Variants in SLC16A12 observed in about 807,000 individuals in gnomAD.
The protein encoded by SLC16A12 is solute carrier family 16 member 12, also known as monocarboxylate transporter 12.
SLC16A12 carries 17 observed loss-of-function variants against 42.4 expected under a neutral mutation model. The observed-to-expected ratio is 0.40, with a 90% CI of 0.27 to 0.60. The LOEUF is 0.60. Among genes scored for constraint, SLC16A12 ranks in the 20% least tolerant of loss-of-function variants. The probability of loss-of-function intolerance (pLI) is 0.42; values close to 1 mark genes in which losing one functional copy is unlikely to be tolerated. For missense variants in SLC16A12, 544 were observed against 623.0 expected (o/e 0.87, Z 1.35); for synonymous variants, 224 against 229.4 (o/e 0.98, Z 0.21).
intron 4 of SLC16A12, among the ~76,000 whole-genome samples, chr10:89,441,946 A>C (rs1841919183): frequency 6.6e-6 from 1 of 152,212 alleles, no homozygotes; most frequent in Admixed American, 6.5e-5. Context: ...GCATGGCCCA[A>C]GGTCACCAAC....
intron 4 of SLC16A12, among the ~76,000 whole-genome samples, 163 bp from the exon 5 acceptor site, chr10:89,441,414 A>G (rs1841909549): frequency 6.6e-6 from 1 of 152,170 alleles, no homozygotes; most frequent in Non-Finnish European, 1.5e-5. Context: ...GTGATTGTCC[A>G]TGGTCCCACA....
At chr10:89,465,847 G>A (rs185240979) in intron 2 of SLC16A12, among the ~76,000 whole-genome samples, 2 of 152,290 alleles carry the variant, frequency 1.3e-5, no homozygotes, top group East Asian at 3.9e-4. Context: ...GGCACAGAAC[G>A]GGAAGTATCC....
intron 2 of SLC16A12, among the ~76,000 whole-genome samples, chr10:89,505,103 A>G (rs1246120782): frequency 6.6e-6 from 1 of 152,180 alleles, no homozygotes; most frequent in African/African-American, 2.4e-5. Flanking sequence ...AAAATGGAGC[A>G]AAAAGACAAT....
chr10:89,512,622 C>T (rs150516105), intron 2 of SLC16A12, among the ~76,000 whole-genome samples: 64 of 152,352 alleles, frequency 4.2e-4, no homozygotes, highest in African/African-American at 1.5e-3. Context: ...AGAATGCATC[C>T]ACAAGCCAAA....
intron 2 of SLC16A12, among the ~76,000 whole-genome samples, chr10:89,520,829 T>C (rs1843339463): frequency 6.6e-6 from 1 of 152,040 alleles, no homozygotes; most frequent in Admixed American, 6.6e-5. Flanking sequence ...TTAACTGAGA[T>C]TGGAAATAAA....
At chr10:89,456,008 A>G (rs1676047429) in intron 3 of SLC16A12, 1 of 152,238 alleles carries the variant, frequency 6.6e-6, no homozygotes, top group Non-Finnish European at 1.5e-5. Context: ...CTCAGAGGCC[A>G]GTATGACTGC....
chr10:89,481,662 T>TGA lies in SLC16A12; in HGVS notation c.-46-19039_-46-19038insTC, dbSNP rs1490094967. Among the ~76,000 whole-genome samples, 370 of 136,894 alleles carry TGA rather than the reference T, an allele frequency of 2.7e-3. 2 individuals carry two copies. The highest frequency in any genetic ancestry group is 9.3e-3 in the African/African-American group (339 of 36,494). 89.8% of individuals were successfully genotyped at this position (136,894 alleles called of 152,430 possible). On this transcript the variant is annotated intron_variant, in intron 2 of 7. Transcript: ENST00000371790. ...TTTTTCTTGTGTGTGTGTGTGTGTG[T>TGA]GTGAGAGAGAGAGAGAGTGTGTGTG...
chr10:89,441,126 T>C lies in SLC16A12; in HGVS notation c.430A>G (p.Thr144Ala). The C allele has an allele frequency of 1.2e-6, 2 of 1,613,382 alleles. No homozygotes were observed. The highest frequency in any genetic ancestry group is 2.2e-5 in the South Asian group (2 of 91,048). Residue 144 changes from threonine to alanine, a missense_variant, in exon 5 of 8, where the codon ACT becomes GCT. Transcript: ENST00000371790. ...CCCTTACCTGTAAGAACTCCCAGAG[T>C]GAGGTAGAGATGCTTCAGACTCGTG... Reference protein sequence around the residue: ...FATSLKHLYLTLGVLTGLGFA... With the variant: ...FATSLKHLYLALGVLTGLGFA...
At chr10:89,437,023 G>A (rs1027183107) in intron 6 of SLC16A12, among the ~76,000 whole-genome samples, 1 of 152,150 alleles carries the variant, frequency 6.6e-6, no homozygotes, top group African/African-American at 2.4e-5. Flanking sequence ...CCACAGGTTG[G>A]ACAAGCTTGA....
intron 2 of SLC16A12, among the ~76,000 whole-genome samples, chr10:89,525,790 G>A (rs1843442223): frequency 6.6e-6 from 1 of 152,200 alleles, no homozygotes; most frequent in Admixed American, 6.5e-5. Flanking sequence ...CCCATGTGGA[G>A]TGGGGATTTG....
At chr10:89,505,987 G>C (rs189639379) in intron 2 of SLC16A12, among the ~76,000 whole-genome samples, 12 of 152,326 alleles carry the variant, frequency 7.9e-5, no homozygotes, top group Non-Finnish European at 1.8e-4. Flanking sequence ...ACTGGGTGGA[G>C]CCCACCACAG....
chr10:89,481,966 T>A (rs1404721020), intron 2 of SLC16A12, among the ~76,000 whole-genome samples: 1 of 152,038 alleles, frequency 6.6e-6, no homozygotes, highest in Non-Finnish European at 1.5e-5. Context: ...CACCGGAAGC[T>A]AGGAGAAAAA....
intron 2 of SLC16A12, among the ~76,000 whole-genome samples, chr10:89,481,689 G>GTA (rs1842666520): frequency 1.3e-5 from 2 of 151,240 alleles, no homozygotes; most frequent in South Asian, 4.2e-4. Context: ...GTGTGTGTGT[G>GTA]TGTGTGTGTG....
chr10:89,526,295 G>A (rs1260655498), intron 2 of SLC16A12, among the ~76,000 whole-genome samples: 1 of 152,152 alleles, frequency 6.6e-6, no homozygotes, highest in Non-Finnish European at 1.5e-5. Context: ...GCCCAGCATA[G>A]CTATTCCCCA....
intron 2 of SLC16A12, among the ~76,000 whole-genome samples, chr10:89,469,005 C>T (rs546928649): frequency 2.4e-4 from 36 of 152,130 alleles, no homozygotes; most frequent in South Asian, 4.2e-4. Flanking sequence ...TGGTGCATGC[C>T]GTAATCCCAG....
At chr10:89,464,225 T>C (rs1399902964) in intron 2 of SLC16A12, among the ~76,000 whole-genome samples, 1 of 152,322 alleles carries the variant, frequency 6.6e-6, no homozygotes, top group South Asian at 2.1e-4. Flanking sequence ...CAAGTGAGCC[T>C]GGAAGCAGAT....
chr10:89,490,719 C>T (rs1026134283), intron 2 of SLC16A12, among the ~76,000 whole-genome samples: 1 of 152,128 alleles, frequency 6.6e-6, no homozygotes, highest in East Asian at 1.9e-4. Context: ...GTTTTTATGG[C>T]AGCTTCATTA....
intron 3 of SLC16A12, chr10:89,455,949 A>G (rs555857133): frequency 6.6e-6 from 1 of 152,370 alleles, no homozygotes; most frequent in Non-Finnish European, 1.5e-5. Context: ...GAAACAAAGT[A>G]TCACCAAGTG....
intron 2 of SLC16A12, among the ~76,000 whole-genome samples, chr10:89,517,430 C>G (rs1363485680): frequency 1.3e-5 from 2 of 151,932 alleles, no homozygotes; most frequent in African/African-American, 4.8e-5. Flanking sequence ...CCTGCCTCAG[C>G]CTCCCAAGTA....
Sources: allele counts gnomAD v4.1 joint callset (sites outside exome capture counted in the v4.1 genomes callset), GRCh38; gene constraint gnomAD v4.1.1; transcripts MANE v1.5; gene names NCBI Gene and HGNC (gene_info 2026-07-23, HGNC 2026-07-21).